The following EPHA6 variants were observed in gnomAD, a reference collection of about 807,000 sequenced individuals.
The protein encoded by EPHA6 is ephrin type-A receptor 6.
In EPHA6, 50 loss-of-function variants were observed where a neutral mutation model predicts 112.0. The observed-to-expected ratio is 0.45, with a 90% CI of 0.36 to 0.56. The LOEUF is 0.56. Among genes scored for constraint, EPHA6 ranks in the 20% least tolerant of loss-of-function variants. The probability of loss-of-function intolerance (pLI) is 0.00; values close to 1 mark genes in which losing one functional copy is unlikely to be tolerated. For synonymous variants in EPHA6, 529 were observed against 490.7 expected (o/e 1.08, Z -1.03); for missense variants, 1,280 against 1,417.4 (o/e 0.90, Z 1.56).
At chr3:97,662,694 A>G (rs1386611237) in intron 14 of EPHA6, among the ~76,000 whole-genome samples, 4 of 152,218 alleles carry the variant, frequency 2.6e-5, no homozygotes, top group African/African-American at 9.6e-5. Flanking sequence ...TTTTTATGGC[A>G]TACCCCTAGC....
At chr3:96,957,373 C>T (rs192519010) in intron 2 of EPHA6, among the ~76,000 whole-genome samples, 1 of 152,054 alleles carries the variant, frequency 6.6e-6, no homozygotes, top group Non-Finnish European at 1.5e-5. Context: ...AAAATTTGGA[C>T]AAAATAAAGA....
chr3:97,032,970 A>G (rs1185911057), intron 3 of EPHA6, among the ~76,000 whole-genome samples: 3 of 151,912 alleles, frequency 2.0e-5, no homozygotes, highest in African/African-American at 4.8e-5. Flanking sequence ...TCATGTCACA[A>G]TGCACTCTTC....
At chr3:96,915,287 T>G (rs1367410903) in intron 2 of EPHA6, among the ~76,000 whole-genome samples, 1 of 152,074 alleles carries the variant, frequency 6.6e-6, no homozygotes, top group African/African-American at 2.4e-5. Flanking sequence ...TATTTGTATT[T>G]TAATGTTAAT....
At chr3:96,817,621 G>A (rs2032903067) in intron 1 of EPHA6, among the ~76,000 whole-genome samples, 1 of 151,720 alleles carries the variant, frequency 6.6e-6, no homozygotes, top group African/African-American at 2.4e-5. Context: ...TTTATAGAGG[G>A]TAAAATTACA....
chr3:97,691,103 A>T (rs1214006474), intron 14 of EPHA6, among the ~76,000 whole-genome samples: 1 of 152,168 alleles, frequency 6.6e-6, no homozygotes, highest in Non-Finnish European at 1.5e-5. Context: ...TCCATTTTGA[A>T]TTAATTCTTG....
chr3:97,685,262 C>G (rs2032165487), intron 14 of EPHA6, among the ~76,000 whole-genome samples: 1 of 152,020 alleles, frequency 6.6e-6, no homozygotes, highest in Non-Finnish European at 1.5e-5. Flanking sequence ...TGTATGCATC[C>G]AAAAATGTAG....
At chr3:97,492,051 C>T (rs538303586) in intron 10 of EPHA6, among the ~76,000 whole-genome samples, 2 of 152,138 alleles carry the variant, frequency 1.3e-5, no homozygotes, top group East Asian at 3.9e-4. Flanking sequence ...CATTTTTTTA[C>T]AATCTACCAC....
At chr3:97,037,601 A>G (rs936908503) in intron 3 of EPHA6, among the ~76,000 whole-genome samples, 1 of 152,088 alleles carries the variant, frequency 6.6e-6, no homozygotes, top group Non-Finnish European at 1.5e-5. Context: ...GTTTTGCTCT[A>G]CATGCAGTGG....
At position 96,815,005 on chromosome 3, in the gene EPHA6, C is replaced by G; in HGVS notation, c.382C>G (p.Gln128Glu). The change falls in exon 1 of 18, where the codon CAA (glutamine) becomes GAA (glutamate). Residue 128 changes from glutamine to glutamate, a missense_variant. Gln to Glu is a conservative substitution (Grantham distance 29). Coordinates refer to ENST00000389672, the MANE Select transcript of EPHA6 (RefSeq NM_001080448.3). ...CGACTGCAGTCACGTCTCCAACAACCAAGGTAAGGGACGGGGCGGAGGAGC... is the reference window on the plus strand; with the variant it reads ...CGACTGCAGTCACGTCTCCAACAACGAAGGTAAGGGACGGGGCGGAGGAGC... ...PGDCSHVSNN[Q>E]VVLLDTTTVL... The G allele has an allele frequency of 4.6e-6, 7 of 1,515,626 alleles. No individual in the cohort carries two copies. Among genetic ancestry groups the G allele is most frequent in the Non-Finnish European group, 6.2e-6 (7 of 1,125,166 alleles). The allele number at this position is 1,515,626 out of a possible 1,614,324, so 93.9% of individuals were successfully genotyped here. A position where few individuals can be genotyped will look rare whatever the true frequency, so the allele number is the denominator to read the frequency against.
chr3:97,733,880 T>C (rs1486459), intron 15 of EPHA6, among the ~76,000 whole-genome samples: 149,387 of 152,172 alleles, frequency 0.98, 73,347 homozygotes, highest in East Asian at 0.99. Context: ...TAAAATTGTA[T>C]TGGGTGATAA....
At chr3:97,287,396 C>T (rs572652032) in intron 5 of EPHA6, among the ~76,000 whole-genome samples, 81 of 151,526 alleles carry the variant, frequency 5.3e-4, no homozygotes, top group Non-Finnish European at 9.4e-4. Flanking sequence ...ACCTGGGAGG[C>T]GGAGCTTGCA....
intron 5 of EPHA6, among the ~76,000 whole-genome samples, chr3:97,304,626 C>A (rs1285990305): frequency 6.6e-6 from 1 of 151,936 alleles, no homozygotes; most frequent in East Asian, 1.9e-4. Flanking sequence ...ATAAACCTGA[C>A]AAAAACAAGC....
At chr3:97,537,182 G>A (rs1024581094) in intron 11 of EPHA6, among the ~76,000 whole-genome samples, 1 of 152,140 alleles carries the variant, frequency 6.6e-6, no homozygotes, top group Non-Finnish European at 1.5e-5. Flanking sequence ...GTAAAATCAA[G>A]GTTGGGATAT....
At chr3:97,748,442 C>G (rs983618879) in intron 17 of EPHA6, 145 bp from the exon 18 acceptor site, 1 of 575,124 alleles carries the variant, frequency 1.7e-6, no homozygotes, top group African/African-American at 1.9e-5. Flanking sequence ...GTAACTGTGG[C>G]AGAGTGCTTA....
At chr3:97,730,551 C>T (rs2034990607) in intron 15 of EPHA6, among the ~76,000 whole-genome samples, 1 of 152,046 alleles carries the variant, frequency 6.6e-6, no homozygotes, top group African/African-American at 2.4e-5. Flanking sequence ...AAAAAATTCT[C>T]TCTAGTTAAT....
At chr3:97,300,255 A>T (rs1016535939) in intron 5 of EPHA6, among the ~76,000 whole-genome samples, 3 of 152,240 alleles carry the variant, frequency 2.0e-5, no homozygotes, top group Non-Finnish European at 4.4e-5. Flanking sequence ...ACAGTAAAAA[A>T]AAATTACTTC....
intron 10 of EPHA6, among the ~76,000 whole-genome samples, chr3:97,509,430 C>A (rs769959561): frequency 2.0e-5 from 3 of 152,160 alleles, no homozygotes; most frequent in Non-Finnish European, 2.9e-5. Context: ...GATTTTATTT[C>A]TCCTTTGCTT....
chr3:97,091,062 C>T (rs1007565966), intron 3 of EPHA6, among the ~76,000 whole-genome samples: 1 of 152,048 alleles, frequency 6.6e-6, no homozygotes, highest in African/African-American at 2.4e-5. Context: ...TCACAAAGGC[C>T]TTGTAGTTAA....
intron 1 of EPHA6, among the ~76,000 whole-genome samples, chr3:96,844,443 A>G (rs1049519992): frequency 2.6e-5 from 4 of 151,998 alleles, no homozygotes; most frequent in African/African-American, 9.7e-5. Flanking sequence ...TAGCCTGTGG[A>G]CATATGTTAC....
Sources: allele counts gnomAD v4.1 joint callset (sites outside exome capture counted in the v4.1 genomes callset), GRCh38; gene constraint gnomAD v4.1.1; transcripts MANE v1.5; gene names NCBI Gene and HGNC (gene_info 2026-07-23, HGNC 2026-07-21).